The following EIF2AK3 variants were observed in gnomAD, a reference collection of about 807,000 sequenced individuals.
EIF2AK3 encodes the protein eukaryotic translation initiation factor 2 alpha kinase 3.
EIF2AK3 carries 50 observed loss-of-function variants against 113.5 expected under a neutral mutation model. The ratio of observed to expected loss-of-function variants is 0.44; its 90% CI spans 0.35 to 0.56. EIF2AK3 has a LOEUF of 0.56. Ranked by LOEUF, EIF2AK3 falls within the 20% of genes least tolerant of loss-of-function variation. The pLI is 0.00. For synonymous variants in EIF2AK3, 448 were observed against 495.4 expected (o/e 0.90, Z 1.27); for missense variants, 1,185 against 1,378.0 (o/e 0.86, Z 2.22).
In EIF2AK3 at chr2:88,588,135, A is replaced by G. The variant is rs75129435; in HGVS notation, c.1307-31T>C. Reference sequence around the variant, plus strand: ...AGAAAATTATTATTTTCTTAATAATAATATTTCTTAAGTCTGAACTGTTAT... The same window carrying G: ...AGAAAATTATTATTTTCTTAATAATGATATTTCTTAAGTCTGAACTGTTAT... On this transcript the variant is annotated intron_variant, in intron 7 of 16. Transcript: ENST00000303236. The G allele has an allele frequency of 8.1e-6, 11 of 1,360,894 alleles. No individual in the cohort carries two copies. In the East Asian group the frequency reaches 2.9e-4, roughly 35 times the overall value. 84.3% of individuals were successfully genotyped at this position (1,360,894 alleles called of 1,614,324 possible). A position where few individuals can be genotyped will look rare whatever the true frequency, so the allele number is the denominator to read the frequency against.
chr2:88,575,501 C>G, intron 12 of EIF2AK3, 55 bp from the exon 13 acceptor site: 1 of 1,577,216 alleles, frequency 6.3e-7, no homozygotes, highest in South Asian at 1.1e-5. Flanking sequence ...GATTCAAGTA[C>G]CTGAACTGCA....
chr2:88,616,534 C>G (rs1241343813), intron 1 of EIF2AK3, among the ~76,000 whole-genome samples: 2 of 152,196 alleles, frequency 1.3e-5, no homozygotes, highest in African/African-American at 2.4e-5. Flanking sequence ...TTAAGCAAGT[C>G]TCCAGCCTCA....
rs780507890 is a variant in EIF2AK3, at chr2:88,557,944, T to C, written c.3151-8A>G. On this transcript the variant is annotated splice_region_variant and splice_polypyrimidine_tract_variant and intron_variant, in intron 16 of 16. Transcript: ENST00000303236. ...GTCTTGAACCATCACGTACTGAAAA[T>C]ATAAAAATTGTTTTGTGATAAAACG... 3 of 1,613,930 alleles carry C rather than the reference T, an allele frequency of 1.9e-6. No individual in the cohort carries two copies. Among genetic ancestry groups the C allele is most frequent in the Middle Eastern group, 1.7e-4 (1 of 6,058 alleles).
chr2:88,570,113 ATTG>A (rs1038127916), intron 14 of EIF2AK3, among the ~76,000 whole-genome samples: 1 of 151,982 alleles, frequency 6.6e-6, no homozygotes, highest in African/African-American at 2.4e-5. Flanking sequence ...GATAGGTTTC[ATTG>A]TTATTTAGTT....
chr2:88,600,663 A>G (rs987232260), intron 2 of EIF2AK3, among the ~76,000 whole-genome samples: 3 of 152,216 alleles, frequency 2.0e-5, no homozygotes, highest in Non-Finnish European at 2.9e-5. Context: ...AAGTGGTACA[A>G]TGAATACCAG....
Position 88,585,836 on chromosome 2 carries a change from C to T in EIF2AK3, c.1650+5G>A. On this transcript the variant is annotated splice_donor_5th_base_variant and intron_variant, in intron 9 of 16. Coordinates refer to ENST00000303236, the MANE Select transcript of EIF2AK3 (RefSeq NM_004836.7). The stretch of plus-strand genomic sequence containing the variant: ...AACCAGACAGTAAGCAACCATGATT[C>T]TTACCCTGTGAGGATGAGGATGGAA... 6.2e-7 allele frequency: 1 copy of T among 1,612,754 alleles called. No homozygotes were observed. Among genetic ancestry groups the T allele is most frequent in the Non-Finnish European group, 8.5e-7 (1 of 1,179,078 alleles).
chr2:88,627,452 T>A lies in EIF2AK3; in HGVS notation c.-178A>T. On this transcript the variant is annotated 5_prime_UTR_variant, in exon 1 of 17. Coordinates refer to ENST00000303236, the MANE Select transcript of EIF2AK3 (RefSeq NM_004836.7). ...CAGCCCGGCCTCTGCCGCTGCCACCTGAGTGACAGCCTATCTCGGACATCG... is the reference window on the plus strand; with the variant it reads ...CAGCCCGGCCTCTGCCGCTGCCACCAGAGTGACAGCCTATCTCGGACATCG... The A allele has an allele frequency of 1.4e-6, 1 of 711,054 alleles. No homozygotes were observed. The highest frequency in any genetic ancestry group is 2.0e-6 in the Non-Finnish European group (1 of 498,784). The allele number at this position is 711,054 out of a possible 1,614,324, so 44.0% of individuals were successfully genotyped here. A position where few individuals can be genotyped will look rare whatever the true frequency, so the allele number is the denominator to read the frequency against.
chr2:88,585,162 AC>A lies in EIF2AK3; in HGVS notation c.1650+678del, dbSNP rs374191704. Among the ~76,000 whole-genome samples, 8 of 152,216 alleles carry A rather than the reference AC, an allele frequency of 5.3e-5. 1 individual carries two copies. The South Asian group carries it at 1.7e-3, about 32-fold the overall frequency. On this transcript the variant is annotated intron_variant, in intron 9 of 16. Coordinates refer to ENST00000303236, the MANE Select transcript of EIF2AK3 (RefSeq NM_004836.7). The stretch of plus-strand genomic sequence containing the variant: ...ATTTGTGCTGTGGAAATGAAAACTG[AC>A]ACATAGAGAAGAAGAAAAATGTGAA...
intron 10 of EIF2AK3, among the ~76,000 whole-genome samples, chr2:88,582,642 A>G (rs1256321440): frequency 6.6e-6 from 1 of 152,192 alleles, no homozygotes; most frequent in Non-Finnish European, 1.5e-5. Flanking sequence ...ATATAAAGAT[A>G]TATGCCTATG....
chr2:88,597,282 G>A (rs753343488), intron 2 of EIF2AK3, among the ~76,000 whole-genome samples: 2 of 152,116 alleles, frequency 1.3e-5, no homozygotes, highest in Non-Finnish European at 2.9e-5. Flanking sequence ...TTCAAATCCA[G>A]TTCAAATCCT....
intron 8 of EIF2AK3, among the ~76,000 whole-genome samples, chr2:88,586,905 GATCAAT>G (rs1254440674): frequency 3.3e-5 from 5 of 149,666 alleles, no homozygotes; most frequent in Non-Finnish European, 7.4e-5. Context: ...CTTGTCTTTT[GATCAAT>G]ATCAAGATAA....
intron 1 of EIF2AK3, among the ~76,000 whole-genome samples, chr2:88,626,459 G>A (rs2103990821): frequency 6.6e-6 from 1 of 152,326 alleles, no homozygotes; most frequent in Non-Finnish European, 1.5e-5. Flanking sequence ...AACCCCAGGT[G>A]ATTCGGATGC....
chr2:88,574,933 T>C lies in EIF2AK3; in HGVS notation c.2550A>G (p.Glu850=), dbSNP rs1674413953. The C allele has an allele frequency of 6.2e-7, 1 of 1,614,070 alleles. No individual in the cohort carries two copies. The highest frequency in any genetic ancestry group is 8.5e-7 in the Non-Finnish European group (1 of 1,180,034). ...TTGGAGGAGAAATAGACAATGTAGC[T>C]TCAGAAGAAGATTTGCTACTGGTGG... ...FKPTSSKSSS[E]ATLSISPPRP... is the part of the protein sequence containing the mutation. The change falls in exon 13 of 17, where the codon GAA becomes GAG. Residue 850 remains glutamate (E), a synonymous_variant. Transcript: ENST00000303236.
At chr2:88,576,239 G>GTA (rs1674453800) in intron 12 of EIF2AK3, among the ~76,000 whole-genome samples, 1 of 152,084 alleles carries the variant, frequency 6.6e-6, no homozygotes. Context: ...TTTTTAAAAT[G>GTA]TAAGTTCTCT....
In EIF2AK3 at chr2:88,557,329, T is replaced by A. The variant is rs1026039722; in HGVS notation, c.*407A>T. 5.7e-6 allele frequency: 1 copy of A among 176,312 alleles called. No individual in the cohort carries two copies. Among genetic ancestry groups the A allele is most frequent in the African/African-American group, 2.4e-5 (1 of 41,894 alleles). The allele number at this position is 176,312 out of a possible 1,614,324, so 10.9% of individuals were successfully genotyped here. ...CTAGAAATCAGTTTCAAAATCATCA[T>A]ATCTCTAGAAAGCATATTTCTAGAA... On this transcript the variant is annotated 3_prime_UTR_variant, in exon 17 of 17. Coordinates refer to ENST00000303236, the MANE Select transcript of EIF2AK3 (RefSeq NM_004836.7).
At chr2:88,584,343 C>A (rs1674666244) in intron 9 of EIF2AK3, among the ~76,000 whole-genome samples, 1 of 151,668 alleles carries the variant, frequency 6.6e-6, no homozygotes, top group Admixed American at 6.6e-5. Flanking sequence ...ATAATGAAAC[C>A]CCATCTCTAC....
intron 10 of EIF2AK3, among the ~76,000 whole-genome samples, chr2:88,581,942 G>A (rs1573398587): frequency 6.6e-6 from 1 of 152,148 alleles, no homozygotes; most frequent in East Asian, 1.9e-4. Context: ...AGCTGGATAT[G>A]CTCTGAATCA....
At chr2:88,563,163 A>C (rs933760872) in intron 14 of EIF2AK3, among the ~76,000 whole-genome samples, 1 of 152,252 alleles carries the variant, frequency 6.6e-6, no homozygotes, top group African/African-American at 2.4e-5. Context: ...AGAAACTGCC[A>C]AAGAAGGGAA....
intron 8 of EIF2AK3, 54 bp from the exon 9 acceptor site, chr2:88,586,115 G>T: frequency 7.4e-7 from 1 of 1,349,090 alleles, no homozygotes; most frequent in Non-Finnish European, 1.1e-6. Context: ...AAATAGGCCC[G>T]TCTTTAACTA....
Sources: gnomAD v4.1 joint callset for allele counts (sites outside exome capture counted in the v4.1 genomes callset) on GRCh38, gnomAD v4.1.1 for gene constraint, MANE v1.5 for transcripts, NCBI Gene and HGNC (gene_info 2026-07-23, HGNC 2026-07-21) for gene names.